The following DRC1 variants were observed in gnomAD, a reference collection of about 807,000 sequenced individuals.
The protein encoded by DRC1 is dynein regulatory complex subunit 1.
Under a neutral mutation model 98.7 loss-of-function variants are expected in DRC1, and 74 were observed. The observed-to-expected ratio is 0.75, with a 90% confidence interval of 0.62 to 0.91. The LOEUF is 0.91. DRC1 is among the 40% of genes least tolerant of loss of function. The pLI, the probability that DRC1 is intolerant of heterozygous loss-of-function variation, is 0.00. For synonymous variants in DRC1, 336 were observed against 334.1 expected (o/e 1.01, Z -0.06); for missense variants, 875 against 886.0 (o/e 0.99, Z 0.16).
intron 1 of DRC1, among the ~76,000 whole-genome samples, chr2:26,407,646 C>T (rs891228786): frequency 2.6e-5 from 4 of 152,040 alleles, no homozygotes; most frequent in African/African-American, 9.7e-5. Context: ...TTACTTCGTC[C>T]GACCACCCGG....
chr2:26,407,704 C>A (rs1342221491), intron 1 of DRC1, among the ~76,000 whole-genome samples: 1 of 152,162 alleles, frequency 6.6e-6, no homozygotes, highest in Admixed American at 6.5e-5. Context: ...CAACCCTGGA[C>A]CACAGAGACC....
At chr2:26,434,612 C>T (rs1238628633) in intron 7 of DRC1, among the ~76,000 whole-genome samples, 1 of 152,224 alleles carries the variant, frequency 6.6e-6, no homozygotes, top group Non-Finnish European at 1.5e-5. Context: ...CAAGCTACCG[C>T]CAGGCACGGT....
chr2:26,404,893 G>A (rs1678368312), intron 1 of DRC1, among the ~76,000 whole-genome samples: 1 of 152,100 alleles, frequency 6.6e-6, no homozygotes, highest in South Asian at 2.1e-4. Context: ...GCATGCTTTG[G>A]GTCTCTGGGT....
intron 1 of DRC1, among the ~76,000 whole-genome samples, chr2:26,413,142 C>G (rs957520022): frequency 6.6e-6 from 1 of 151,208 alleles, no homozygotes; most frequent in African/African-American, 2.5e-5. Context: ...AACTGGCTCC[C>G]TTTACTTAAC....
intron 4 of DRC1, among the ~76,000 whole-genome samples, chr2:26,428,759 C>T (rs1663350847): frequency 6.6e-6 from 1 of 151,728 alleles, no homozygotes; most frequent in Non-Finnish European, 1.5e-5. Context: ...GATCGAGCCA[C>T]TACACTCCAG....
At position 26,444,332 on chromosome 2, in the gene DRC1, T is replaced by G. The variant is rs1292581034; in HGVS notation, c.1139T>G (p.Phe380Cys). Reference protein sequence around the residue: ...TSDYKRLVMQFKELQKAMRHF... With the variant: ...TSDYKRLVMQCKELQKAMRHF... ...GACTACAAACGTCTTGTGATGCAAT[T>G]CAAGGAGCTACAGAAAGCCATGAGG... is the stretch of plus-strand genomic sequence containing the variant. Residue 380 changes from phenylalanine (F) to cysteine (C), a missense_variant, in exon 9 of 17, where the codon TTC (phenylalanine) becomes TGC (cysteine). Transcript: ENST00000288710. 1 of 1,614,042 alleles carries G rather than the reference T, an allele frequency of 6.2e-7. No individual in the cohort carries two copies. Among genetic ancestry groups the G allele is most frequent in the Non-Finnish European group, 8.5e-7 (1 of 1,180,026 alleles).
rs144237212 is a variant in DRC1 at position 26,455,210 on chromosome 2, C to T, written c.2143C>T (p.Leu715=). The change falls in exon 16 of 17, where the codon CTG becomes TTG. Residue 715 remains leucine (L), a synonymous_variant. Coordinates refer to ENST00000288710, the MANE Select transcript of DRC1 (RefSeq NM_145038.5). The stretch of plus-strand genomic sequence containing the variant: ...GCAGAACACAGAGCTGCAGGCGCTA[C>T]TGCAGCAGTATCTGAACTCCAAGGT... ...EQQNTELQAL[L]QQYLNSKINS... 8 of 1,613,772 alleles carry T rather than the reference C, an allele frequency of 5.0e-6. 1 individual carries two copies. In the African/African-American group the frequency reaches 8.0e-5, roughly 16 times the overall value.
At chr2:26,447,564 G>T (rs897188349) in intron 10 of DRC1, among the ~76,000 whole-genome samples, 1 of 151,744 alleles carries the variant, frequency 6.6e-6, no homozygotes, top group African/African-American at 2.4e-5. Context: ...TTTTTTGTTC[G>T]TTTGTTTTAT....
chr2:26,409,909 G>C (rs1419931333), intron 1 of DRC1, among the ~76,000 whole-genome samples: 1 of 151,466 alleles, frequency 6.6e-6, no homozygotes, highest in Non-Finnish European at 1.5e-5. Context: ...AATTAACAAA[G>C]AGAAAAAAGC....
At chr2:26,416,080 C>A (rs1197452138) in intron 2 of DRC1, among the ~76,000 whole-genome samples, 1 of 151,992 alleles carries the variant, frequency 6.6e-6, no homozygotes, top group African/African-American at 2.4e-5. Flanking sequence ...ATATTGTTTT[C>A]ATTAGCAGGT....
rs577317518 is a variant in DRC1, at chr2:26,402,283, G to A, written c.155+139G>A. ...TAAAACGCTGGGCCGGTGCCGTGGC[G>A]CGCGCCTGTCATCCCAGCACTTAGG... On this transcript the variant is annotated intron_variant, in intron 1 of 16. Coordinates refer to ENST00000288710, the MANE Select transcript of DRC1 (RefSeq NM_145038.5). 166 of 1,344,284 alleles carry A rather than the reference G, an allele frequency of 1.2e-4. No individual in the cohort carries two copies. The African/African-American group carries it at 2.2e-3, about 18-fold the overall frequency. 83.3% of individuals were successfully genotyped at this position (1,344,284 alleles called of 1,614,324 possible). A position where few individuals can be genotyped will look rare whatever the true frequency, so the allele number is the denominator to read the frequency against.
chr2:26,409,806 T>A (rs1678539946), intron 1 of DRC1, among the ~76,000 whole-genome samples: 1 of 152,232 alleles, frequency 6.6e-6, no homozygotes, highest in Non-Finnish European at 1.5e-5. Flanking sequence ...ATGTTTTAAT[T>A]TTTTCATAGG....
At chr2:26,406,435 G>A (rs1678429869) in intron 1 of DRC1, among the ~76,000 whole-genome samples, 1 of 152,194 alleles carries the variant, frequency 6.6e-6, no homozygotes, top group Non-Finnish European at 1.5e-5. Context: ...ACAGCCGGGC[G>A]TGGTGGCTCA....
intron 7 of DRC1, among the ~76,000 whole-genome samples, chr2:26,435,451 A>G (rs978956384): frequency 3.3e-5 from 5 of 152,238 alleles, no homozygotes; most frequent in Non-Finnish European, 7.3e-5. Flanking sequence ...TTCAGGGTAC[A>G]TGTGCAGGTT....
chr2:26,430,957 T>TG (rs1663420493), intron 6 of DRC1, 85 bp downstream of exon 6: 1 of 710,486 alleles, frequency 1.4e-6, no homozygotes, highest in South Asian at 2.1e-5. Context: ...CCTTTTTCTA[T>TG]CTTTTTTTTT....
chr2:26,418,046 A>G (rs1471818713), intron 2 of DRC1, among the ~76,000 whole-genome samples: 2 of 152,096 alleles, frequency 1.3e-5, no homozygotes, highest in African/African-American at 4.8e-5. Flanking sequence ...TCATTAAAAA[A>G]TTGGTGACGA....
chr2:26,427,106 T>G (rs1663303912), intron 4 of DRC1, among the ~76,000 whole-genome samples: 3 of 152,160 alleles, frequency 2.0e-5, no homozygotes, highest in African/African-American at 7.2e-5. Flanking sequence ...TTAAAATTTT[T>G]TAAACATTTA....
rs1194049190 is a variant in DRC1, at chr2:26,456,408, AAAG to A, written c.2167-49_2167-47del. On this transcript the variant is annotated intron_variant, in intron 16 of 16. Transcript: ENST00000288710. ...AGCCAGCGTGGCTCGCAAGGGTGGC[AAAG>A]AAGGAGGGCCCTGGGAAAAATGTAA... is the stretch of plus-strand genomic sequence containing the variant. 10 of 1,611,706 alleles carry A rather than the reference AAAG, an allele frequency of 6.2e-6. No homozygotes were observed. In the Admixed American group the frequency reaches 1.3e-4, roughly 22 times the overall value.
intron 13 of DRC1, among the ~76,000 whole-genome samples, chr2:26,452,756 G>C (rs930584663): frequency 1.3e-5 from 2 of 152,116 alleles, no homozygotes; most frequent in Non-Finnish European, 2.9e-5. Flanking sequence ...GGTACCTAAG[G>C]TTTATTGGTA....
Sources: gnomAD v4.1 joint callset for allele counts (sites outside exome capture counted in the v4.1 genomes callset) on GRCh38, gnomAD v4.1.1 for gene constraint, MANE v1.5 for transcripts, NCBI Gene and HGNC (gene_info 2026-07-23, HGNC 2026-07-21) for gene names.